The following SLC22A3 variants were observed in gnomAD, a reference collection of about 807,000 sequenced individuals.
SLC22A3 encodes the protein EMT organic cation transporter 3.
In SLC22A3, 51 loss-of-function variants were observed where a neutral mutation model predicts 59.1. The ratio of observed to expected loss-of-function variants is 0.86; its 90% CI spans 0.69 to 1.09. The LOEUF (loss-of-function observed/expected upper bound fraction) is 1.09, where lower values mean the gene tolerates loss of function less well. SLC22A3 is among the 50% of genes least tolerant of loss of function. The pLI is 0.00. For missense variants in SLC22A3, 711 were observed against 726.3 expected, an observed-to-expected ratio of 0.98 and a Z score of 0.24; for synonymous variants, 325 against 292.0, an observed-to-expected ratio of 1.11 and a Z score of -1.15.
Position 160,436,985 on chromosome 6 carries a change from A to G in SLC22A3, c.1074-12A>G. ...CTTACTTGTTCTCTGGTGTCTTTCA[A>G]TGTTGCTACAGGTTCACAAGCGCAG... is the stretch of plus-strand genomic sequence containing the variant. On this transcript the variant is annotated splice_polypyrimidine_tract_variant and intron_variant, in intron 6 of 10. Coordinates refer to ENST00000275300, the MANE Select transcript of SLC22A3 (RefSeq NM_021977.4). The G allele has an allele frequency of 6.2e-7, 1 of 1,614,132 alleles. No individual in the cohort carries two copies. Among genetic ancestry groups the G allele is most frequent in the Non-Finnish European group, 8.5e-7 (1 of 1,179,974 alleles).
Position 160,353,177 on chromosome 6 carries a change from T to C in SLC22A3, c.429+4329T>C, listed in dbSNP as rs1465255374. Among the ~76,000 whole-genome samples the C allele has an allele frequency of 2.6e-5, 4 of 152,314 alleles. No individual in the cohort carries two copies. The East Asian group carries it at 7.7e-4, about 29-fold the overall frequency. Reference sequence around the variant, plus strand: ...AACAGCCACCCCACTAGGTGTCTGATTCTTGGTCTAGGCAGCAGAATGGCC... The same window carrying C: ...AACAGCCACCCCACTAGGTGTCTGACTCTTGGTCTAGGCAGCAGAATGGCC... On this transcript the variant is annotated intron_variant, in intron 1 of 10. Coordinates refer to ENST00000275300, the MANE Select transcript of SLC22A3 (RefSeq NM_021977.4).
chr6:160,350,661 G>GT (rs1235306232), intron 1 of SLC22A3, among the ~76,000 whole-genome samples: 2 of 152,186 alleles, frequency 1.3e-5, no homozygotes, highest in Non-Finnish European at 2.9e-5. Flanking sequence ...CTCAAGCGAG[G>GT]TTTGCATGAG....
At chr6:160,385,890 G>A (rs918580573) in intron 1 of SLC22A3, among the ~76,000 whole-genome samples, 5 of 152,166 alleles carry the variant, frequency 3.3e-5, no homozygotes, top group Non-Finnish European at 7.4e-5. Flanking sequence ...TGTATTGGTT[G>A]GGTCCTTTCA....
chr6:160,407,670 G>T (rs1353683696), intron 3 of SLC22A3, among the ~76,000 whole-genome samples: 1 of 152,122 alleles, frequency 6.6e-6, no homozygotes, highest in Non-Finnish European at 1.5e-5. Context: ...CTAAAAATGA[G>T]AAGTTCATTT....
At chr6:160,378,289 A>G (rs1785670115) in intron 1 of SLC22A3, among the ~76,000 whole-genome samples, 1 of 152,232 alleles carries the variant, frequency 6.6e-6, no homozygotes, top group Non-Finnish European at 1.5e-5. Context: ...TAAATTCTGT[A>G]GGCTAGTTTT....
rs759051650 is a variant in SLC22A3 at position 160,408,936 on chromosome 6, G to A, written c.857+15G>A. 1.2e-6 allele frequency: 2 copies of A among 1,608,750 alleles called. No individual in the cohort carries two copies. The highest frequency in any genetic ancestry group is 1.7e-5 in the Admixed American group (1 of 59,734). ...CTTTATTACTGGTAATGTGGTTTTG[G>A]TTATCATCATATTTATACTGATTCT... On this transcript the variant is annotated intron_variant, in intron 4 of 10. Transcript: ENST00000275300.
intron 5 of SLC22A3, chr6:160,426,000 A>C: frequency 2.0e-6 from 2 of 985,452 alleles, no homozygotes; most frequent in Non-Finnish European, 2.4e-6. Context: ...GTTCTGCCTT[A>C]AGCCGCACAA....
chr6:160,381,797 C>G (rs1172292761), intron 1 of SLC22A3, among the ~76,000 whole-genome samples: 1 of 152,086 alleles, frequency 6.6e-6, no homozygotes, highest in Non-Finnish European at 1.5e-5. Context: ...GGGTTGGGAT[C>G]AAAGAGACTA....
chr6:160,401,899 T>G (rs1267700492), intron 2 of SLC22A3, among the ~76,000 whole-genome samples: 1 of 151,706 alleles, frequency 6.6e-6, no homozygotes, highest in East Asian at 1.9e-4. Flanking sequence ...ATGAAGAAAA[T>G]GTGGAATCCT....
intron 2 of SLC22A3, among the ~76,000 whole-genome samples, chr6:160,399,523 A>T (rs1380511855): frequency 6.6e-6 from 1 of 152,170 alleles, no homozygotes; most frequent in African/African-American, 2.4e-5. Flanking sequence ...ATCTGTCCTC[A>T]TATAGGACTT....
intron 6 of SLC22A3, 29 bp from the exon 7 acceptor site, chr6:160,436,968 T>G (rs1262688375): frequency 6.2e-7 from 1 of 1,613,486 alleles, no homozygotes; most frequent in Non-Finnish European, 8.5e-7. Context: ...CTCTTACTTG[T>G]TCTCTGGTGT....
Position 160,451,043 on chromosome 6 carries a change from G to T in SLC22A3, c.1658G>T (p.Arg553Leu). The T allele has an allele frequency of 6.3e-7, 1 of 1,593,518 alleles. No individual in the cohort carries two copies. The highest frequency in any genetic ancestry group is 8.6e-7 in the Non-Finnish European group (1 of 1,168,278). Residue 553 changes from arginine (R) to leucine (L), a missense_variant, in exon 11 of 11, where the codon CGC (arginine) becomes CTC (leucine). Arg to Leu is a moderately radical substitution (Grantham distance 102, BLOSUM62 -2). Coordinates refer to ENST00000275300, the MANE Select transcript of SLC22A3 (RefSeq NM_021977.4). ...CGRNKKTPVS[R>L]SHL is the part of the protein sequence containing the mutation. ...AGGAATAAGAAAACCCCAGTTTCCC[G>T]CTCTCACCTTTGAGGCCCCCGACAA...
intron 1 of SLC22A3, among the ~76,000 whole-genome samples, chr6:160,376,510 TTAAAC>T (rs1184037147): frequency 1.4e-5 from 2 of 143,850 alleles, no homozygotes; most frequent in African/African-American, 2.7e-5. Flanking sequence ...ATCCCAGAAC[TTAAAC>T]TAAACTAAAA....
At chr6:160,362,657 G>C (rs1251758544) in intron 1 of SLC22A3, among the ~76,000 whole-genome samples, 1 of 152,238 alleles carries the variant, frequency 6.6e-6, no homozygotes, top group Non-Finnish European at 1.5e-5. Context: ...AGAGAGGCCG[G>C]TCCCCAGCGG....
chr6:160,366,166 A>G (rs1785198269), intron 1 of SLC22A3, among the ~76,000 whole-genome samples: 1 of 152,162 alleles, frequency 6.6e-6, no homozygotes, highest in Non-Finnish European at 1.5e-5. Context: ...ACAGTCCCCC[A>G]AATTCTTAAC....
At chr6:160,446,732 A>G (rs1246281859) in intron 9 of SLC22A3, among the ~76,000 whole-genome samples, 1 of 152,252 alleles carries the variant, frequency 6.6e-6, no homozygotes, top group African/African-American at 2.4e-5. Flanking sequence ...AAGCACAGAT[A>G]TCATCAAAAA....
rs1253919409 is a variant in SLC22A3 at position 160,451,495 on chromosome 6, G to A, written c.*439G>A. 1.2e-5 allele frequency: 2 copies of A among 173,824 alleles called. No individual in the cohort carries two copies. Among genetic ancestry groups the A allele is most frequent in the African/African-American group, 4.8e-5 (2 of 42,004 alleles). 10.8% of individuals were successfully genotyped at this position (173,824 alleles called of 1,614,324 possible). A position where few individuals can be genotyped will look rare whatever the true frequency, so the allele number is the denominator to read the frequency against. Reference sequence around the variant, plus strand: ...TGGTCAAGGGACTAAGCTCCTAGCTGACCATTCATTCTGAAGATTGCATGG... The same window carrying A: ...TGGTCAAGGGACTAAGCTCCTAGCTAACCATTCATTCTGAAGATTGCATGG... On this transcript the variant is annotated 3_prime_UTR_variant, in exon 11 of 11. Transcript: ENST00000275300.
intron 1 of SLC22A3, among the ~76,000 whole-genome samples, chr6:160,357,925 G>A (rs1047111261): frequency 6.6e-6 from 1 of 152,150 alleles, no homozygotes; most frequent in Non-Finnish European, 1.5e-5. Context: ...CACATCTCTT[G>A]TCAGCTCCTA....
intron 1 of SLC22A3, among the ~76,000 whole-genome samples, chr6:160,397,345 C>T (rs1420855891): frequency 2.0e-5 from 3 of 151,948 alleles, no homozygotes; most frequent in African/African-American, 7.3e-5. Context: ...CACTACTGCT[C>T]ACCTCCTTCT....
Sources: allele counts gnomAD v4.1 joint callset (sites outside exome capture counted in the v4.1 genomes callset), GRCh38; gene constraint gnomAD v4.1.1; transcripts MANE v1.5; gene names NCBI Gene and HGNC (gene_info 2026-07-23, HGNC 2026-07-21).